Variants in KIAA1217 observed in about 807,000 individuals in gnomAD.
KIAA1217 encodes sickle tail protein homolog.
In KIAA1217, 88 loss-of-function variants were observed where a neutral mutation model predicts 163.9. That is an observed-to-expected ratio of 0.54 (90% confidence interval 0.45 to 0.64). The LOEUF (loss-of-function observed/expected upper bound fraction) is 0.64. KIAA1217 is among the 30% of genes least tolerant of loss of function. The pLI is 0.00. For synonymous variants in KIAA1217, 903 were observed against 923.1 expected (o/e 0.98, Z 0.39); for missense variants, 2,372 against 2,475.0 (o/e 0.96, Z 0.88).
intron 2 of KIAA1217, among the ~76,000 whole-genome samples, chr10:24,224,968 A>G (rs1345811313): frequency 6.6e-6 from 1 of 151,380 alleles, no homozygotes; most frequent in Non-Finnish European, 1.5e-5. Flanking sequence ...CTGGGACTAC[A>G]GGCGCCCACC....
chr10:24,439,971 G>A (rs1430523130), intron 5 of KIAA1217, among the ~76,000 whole-genome samples: 1 of 152,124 alleles, frequency 6.6e-6, no homozygotes, highest in Admixed American at 6.5e-5. Context: ...TTCCATATTG[G>A]GTAAGTTTAG....
chr10:24,045,804 T>C (rs1302626768), intron 2 of KIAA1217, among the ~76,000 whole-genome samples: 1 of 152,158 alleles, frequency 6.6e-6, no homozygotes, highest in Non-Finnish European at 1.5e-5. Flanking sequence ...ATCAGTGTGA[T>C]ACTGGTGTGT....
In KIAA1217 at chr10:24,390,480, GGAAGGAAGGAA is replaced by G. The variant is rs2054739568; in HGVS notation, c.553+9415_553+9425del. Among the ~76,000 whole-genome samples, 10 of 106,496 alleles carry G rather than the reference GGAAGGAAGGAA, an allele frequency of 9.4e-5. No individual in the cohort carries two copies. The South Asian group carries it at 2.1e-3, about 22-fold the overall frequency. 69.9% of individuals were successfully genotyped at this position (106,496 alleles called of 152,430 possible). A position where few individuals can be genotyped will look rare whatever the true frequency, so the allele number is the denominator to read the frequency against. Reference sequence around the variant, plus strand: ...AAAAAGGAGGGAGGGAGGGAGGGAAGGAAGGAAGGAAGGAAGGAAGGAAGGAAGGAAGGAAG... The same window carrying G: ...AAAAAGGAGGGAGGGAGGGAGGGAAGGGAAGGAAGGAAGGAAGGAAGGAAG... On this transcript the variant is annotated intron_variant, in intron 3 of 20. Coordinates refer to ENST00000376454, the MANE Select transcript of KIAA1217 (RefSeq NM_019590.5).
intron 2 of KIAA1217, among the ~76,000 whole-genome samples, chr10:24,340,266 C>G (rs7919534): frequency 1.3e-5 from 2 of 151,936 alleles, no homozygotes; most frequent in Non-Finnish European, 2.9e-5. Context: ...TCCCATGTGT[C>G]GTGGGAAGAA....
chr10:24,273,709 G>A (rs1211892855), intron 2 of KIAA1217, among the ~76,000 whole-genome samples: 3 of 151,708 alleles, frequency 2.0e-5, no homozygotes, highest in Non-Finnish European at 2.9e-5. Context: ...AATATCAGCC[G>A]GGTGTGGTGG....
At chr10:23,964,820 G>C (rs1844989425) in intron 1 of KIAA1217, among the ~76,000 whole-genome samples, 1 of 152,140 alleles carries the variant, frequency 6.6e-6, no homozygotes, top group Non-Finnish European at 1.5e-5. Flanking sequence ...CTCCCAAAGT[G>C]CTGGGACTAC....
upstream of KIAA1217, among the ~76,000 whole-genome samples, chr10:24,205,670 G>A (rs540636949): frequency 1.3e-4 from 20 of 151,374 alleles, no homozygotes; most frequent in South Asian, 3.1e-3. Context: ...CTACTTGGGA[G>A]GCTGAGGCAG....
intron 2 of KIAA1217, among the ~76,000 whole-genome samples, chr10:24,137,213 C>T (rs1388435450): frequency 6.6e-6 from 1 of 152,202 alleles, no homozygotes; most frequent in East Asian, 1.9e-4. Flanking sequence ...TGTCAAAAGG[C>T]TGCAGAAAGG....
At chr10:23,785,817 A>G (rs1835466757) in intron 1 of KIAA1217, among the ~76,000 whole-genome samples, 1 of 152,148 alleles carries the variant, frequency 6.6e-6, no homozygotes, top group Admixed American at 6.6e-5. Flanking sequence ...GTAAGGAAGG[A>G]AAAGGGGCTG....
rs570658461 is a variant in KIAA1217 at position 24,088,904 on chromosome 10, C to T, written c.-171+81530C>T. On this transcript the variant is annotated intron_variant, in intron 2 of 18. Coordinates refer to the KIAA1217 transcript ENST00000376462. ...CACAATGGTTGAACTAGTTTACAGT[C>T]CCACCAACAGTGTAAAAGTGTTCCT... Among the ~76,000 whole-genome samples the T allele has an allele frequency of 7.2e-5, 9 of 124,738 alleles. 1 individual carries two copies. The highest frequency in any genetic ancestry group is 2.3e-4 in the African/African-American group (9 of 39,946). 81.8% of individuals were successfully genotyped at this position (124,738 alleles called of 152,430 possible).
rs149035635 is a variant in KIAA1217 at position 23,710,787 on chromosome 10, A to T, written c.-321+15553A>T. Among the ~76,000 whole-genome samples, 230 of 152,322 alleles carry T rather than the reference A, an allele frequency of 1.5e-3. 1 individual carries two copies. Among genetic ancestry groups the T allele is most frequent in the African/African-American group, 5.4e-3 (224 of 41,580 alleles). On this transcript the variant is annotated intron_variant, in intron 1 of 18. Transcript: ENST00000376462. Reference sequence around the variant, plus strand: ...AGATACATCAGAAACAAATGCCATTACAAAATAATCTCCAGGTAGCTCATC... The same window carrying T: ...AGATACATCAGAAACAAATGCCATTTCAAAATAATCTCCAGGTAGCTCATC...
intron 2 of KIAA1217, among the ~76,000 whole-genome samples, chr10:24,076,058 G>C (rs547014946): frequency 1.3e-4 from 20 of 152,208 alleles, no homozygotes; most frequent in Non-Finnish European, 2.4e-4. Flanking sequence ...GAATCACTTG[G>C]GGGGAGTAGG....
intron 1 of KIAA1217, among the ~76,000 whole-genome samples, chr10:23,858,523 C>T (rs1008897143): frequency 1.3e-5 from 2 of 151,862 alleles, no homozygotes; most frequent in Non-Finnish European, 2.9e-5. Context: ...GTTGTATACA[C>T]ATGTCTATAG....
At chr10:24,298,779 C>A (rs1590731670) in intron 2 of KIAA1217, among the ~76,000 whole-genome samples, 2 of 151,968 alleles carry the variant, frequency 1.3e-5, no homozygotes, top group Non-Finnish European at 2.9e-5. Context: ...GCCTGGGCGA[C>A]AGAGGAAGAC....
intron 2 of KIAA1217, among the ~76,000 whole-genome samples, chr10:24,088,256 C>CATATACATATATATATAT (rs1554861323): frequency 1.0e-5 from 1 of 95,852 alleles, no homozygotes; most frequent in Admixed American, 9.9e-5. Flanking sequence ...TTTTAATATA[C>CATATACATATATATATAT]ATATATATAT....
chr10:24,443,522 G>C (rs1055045251), intron 5 of KIAA1217, among the ~76,000 whole-genome samples: 1 of 150,826 alleles, frequency 6.6e-6, no homozygotes, highest in African/African-American at 2.4e-5. Flanking sequence ...ACATATTCCA[G>C]AACAATTGTC....
chr10:23,934,563 ATATATATATATATATATATATATATATG>A lies in KIAA1217; in HGVS notation c.-320-72646_-320-72619del, dbSNP rs1338818947. On this transcript the variant is annotated intron_variant, in intron 1 of 18. Coordinates refer to the KIAA1217 transcript ENST00000376462. ...ATATTAAGTGGTCTTTAAAGTATAT[ATATATATATATATATATATATATATATG>A]TATATATATATATATGTATATATAT... Among the ~76,000 whole-genome samples the A allele has an allele frequency of 6.7e-3, 297 of 44,318 alleles. 16 individuals are homozygous for A. Among genetic ancestry groups the A allele is most frequent in the African/African-American group, 0.049 (254 of 5,224 alleles). The allele number at this position is 44,318 out of a possible 152,430, so 29.1% of individuals were successfully genotyped here.
intron 2 of KIAA1217, among the ~76,000 whole-genome samples, chr10:24,078,773 TGA>T (rs139111913): frequency 6.6e-6 from 1 of 151,680 alleles, no homozygotes; most frequent in African/African-American, 2.4e-5. Flanking sequence ...GAGAGACAGA[TGA>T]GAGAGAGAGA....
intron 1 of KIAA1217, among the ~76,000 whole-genome samples, chr10:24,212,878 G>C (rs2068325213): frequency 6.6e-6 from 1 of 152,170 alleles, no homozygotes; most frequent in African/African-American, 2.4e-5. Context: ...GGGCACTGTA[G>C]AAGGCACTCA....
Sources: allele counts gnomAD v4.1 joint callset (sites outside exome capture counted in the v4.1 genomes callset), GRCh38; gene constraint gnomAD v4.1.1; transcripts MANE v1.5; gene names NCBI Gene and HGNC (gene_info 2026-07-23, HGNC 2026-07-21).